ERBIN: variants seen among roughly 807,000 people sequenced by gnomAD.
ERBIN encodes erbb2 interacting protein.
Under a neutral mutation model 158.4 loss-of-function variants are expected in ERBIN, and 60 were observed. The observed-to-expected ratio is 0.38, with a 90% confidence interval of 0.31 to 0.47. The LOEUF is 0.47. Ranked by LOEUF, ERBIN falls within the 20% of genes least tolerant of loss-of-function variation. The probability of loss-of-function intolerance (pLI) is 0.99; values close to 1 mark genes in which losing one functional copy is unlikely to be tolerated. For synonymous variants in ERBIN, 594 were observed against 557.2 expected, an observed-to-expected ratio of 1.07 and a Z score of -0.93; for missense variants, 1,610 against 1,648.0, an observed-to-expected ratio of 0.98 and a Z score of 0.40.
chr5:66,026,343 C>G lies in ERBIN; in HGVS notation c.1062C>G (p.Ser354=). The G allele has an allele frequency of 6.3e-7, 1 of 1,595,278 alleles. No homozygotes were observed. Among genetic ancestry groups the G allele is most frequent in the Non-Finnish European group, 8.5e-7 (1 of 1,172,114 alleles). Residue 354 remains serine, a synonymous_variant, in exon 13 of 26, where the codon TCC becomes TCG. Coordinates refer to ENST00000284037, the MANE Select transcript of ERBIN (RefSeq NM_001253697.2). ...ATATAACTGTGCTGTTTCTCCATTC[C>G]AATAAACTTGAGACACTTCCAGAGG... ...WKNITVLFLH[S]NKLETLPEEM...
At chr5:66,030,745 G>A (rs1330246953) in intron 14 of ERBIN, among the ~76,000 whole-genome samples, 1 of 150,440 alleles carries the variant, frequency 6.6e-6, no homozygotes, top group Non-Finnish European at 1.5e-5. Context: ...TTTTTTTAAC[G>A]TTTTTAGTAG....
At chr5:65,931,080 A>T (rs560509614) in intron 1 of ERBIN, among the ~76,000 whole-genome samples, 19 of 152,220 alleles carry the variant, frequency 1.2e-4, no homozygotes, top group African/African-American at 4.6e-4. Context: ...ACTTAATAAG[A>T]CTCTACTTAT....
rs554241085 is a variant in ERBIN, at chr5:65,973,434, A to G, written c.-57-15201A>G. On this transcript the variant is annotated intron_variant, in intron 1 of 25. Transcript: ENST00000284037. ...AAAATAATAAAATAAATTAAAAAAA[A>G]GAAATTAGGGCCTTGTCTCTTCCAG... 4.6e-5 allele frequency among the ~76,000 whole-genome samples: 7 copies of G among 151,356 alleles called. 2 individuals are homozygous for G. Among genetic ancestry groups the G allele is most frequent in the African/African-American group, 1.7e-4 (7 of 40,714 alleles).
intron 1 of ERBIN, among the ~76,000 whole-genome samples, chr5:65,959,792 A>G (rs1466944336): frequency 6.6e-6 from 1 of 152,188 alleles, no homozygotes; most frequent in African/African-American, 2.4e-5. Flanking sequence ...CATACAAATA[A>G]TTTAAAAGAA....
chr5:66,038,621 T>C (rs182619221), intron 15 of ERBIN, 139 bp downstream of exon 15: 2 of 586,234 alleles, frequency 3.4e-6, no homozygotes, highest in Non-Finnish European at 5.9e-6. Flanking sequence ...TTCGAAATAA[T>C]GGAAAAATAG....
intron 1 of ERBIN, among the ~76,000 whole-genome samples, chr5:65,929,657 T>TTTTTTTTTTTTTTTTTTTTTTTTTC (rs1561255174): frequency 7.1e-6 from 1 of 141,428 alleles, no homozygotes; most frequent in Non-Finnish European, 1.5e-5. Context: ...TTTTTTTTTT[T>TTTTTTTTTTTTTTTTTTTTTTTTTC]CGAGATGGAG....
chr5:65,930,615 G>A (rs1305410720), intron 1 of ERBIN, among the ~76,000 whole-genome samples: 1 of 152,116 alleles, frequency 6.6e-6, no homozygotes, highest in African/African-American at 2.4e-5. Context: ...GCCATTGTTT[G>A]TTTTATACTT....
At chr5:66,019,553 T>C (rs1755466259) in intron 7 of ERBIN, among the ~76,000 whole-genome samples, 1 of 152,202 alleles carries the variant, frequency 6.6e-6, no homozygotes, top group Admixed American at 6.5e-5. Flanking sequence ...TGCAGTTTTA[T>C]TTCTGAGATT....
At chr5:65,940,851 A>G (rs568174376) in intron 1 of ERBIN, among the ~76,000 whole-genome samples, 4 of 152,190 alleles carry the variant, frequency 2.6e-5, no homozygotes, top group African/African-American at 4.8e-5. Flanking sequence ...CCATGATGAC[A>G]ATGGCGGTTT....
chr5:65,977,188 C>T (rs1202419188), intron 1 of ERBIN, among the ~76,000 whole-genome samples: 6 of 133,470 alleles, frequency 4.5e-5, no homozygotes, highest in African/African-American at 1.9e-4. Context: ...GCTGGCCGGG[C>T]GGGGGGCTGA....
chr5:65,979,344 T>G (rs1004589806), intron 1 of ERBIN, among the ~76,000 whole-genome samples: 1 of 152,144 alleles, frequency 6.6e-6, no homozygotes. Flanking sequence ...TGGGGATTAC[T>G]TGAACCTGGG....
Position 66,075,207 on chromosome 5 carries a change from G to A in ERBIN, c.3940G>A (p.Gly1314Ser). Reference sequence around the variant, plus strand: ...ACAGCCCCATTGTTCTCCTAGACAAGGCCATGAACTGGCAAAACAAGAGGT... The same window carrying A: ...ACAGCCCCATTGTTCTCCTAGACAAAGCCATGAACTGGCAAAACAAGAGGT... ...YTQPHCSPRQ[G>S]HELAKQEIRV... Residue 1314 changes from glycine to serine, a missense_variant, in exon 23 of 26, where the codon GGC becomes AGC. Physicochemically the swap from Gly to Ser is moderately conservative, Grantham distance 56 (BLOSUM62 0). This residue lies in a region of ERBIN where 1,014 missense variants were observed against 936.1 expected (regional missense o/e 1.08). Coordinates refer to ENST00000284037, the MANE Select transcript of ERBIN (RefSeq NM_001253697.2). 6.2e-7 allele frequency: 1 copy of A among 1,614,052 alleles called. No homozygotes were observed. Among genetic ancestry groups the A allele is most frequent in the Non-Finnish European group, 8.5e-7 (1 of 1,179,990 alleles).
chr5:66,003,460 A>G (rs1304274237), intron 4 of ERBIN, among the ~76,000 whole-genome samples: 1 of 152,158 alleles, frequency 6.6e-6, no homozygotes, highest in African/African-American at 2.4e-5. Flanking sequence ...GGGTAATTCT[A>G]TGATTGGGTA....
intron 1 of ERBIN, among the ~76,000 whole-genome samples, chr5:65,967,030 AGGAGGCTGAGGTG>A (rs1748722737): frequency 6.6e-6 from 1 of 152,098 alleles, no homozygotes; most frequent in South Asian, 2.1e-4. Flanking sequence ...CCAACTACTT[AGGAGGCTGAGGTG>A]GGAGGATCCC....
intron 1 of ERBIN, among the ~76,000 whole-genome samples, chr5:65,950,270 G>A (rs1427095017): frequency 2.0e-5 from 3 of 152,190 alleles, no homozygotes; most frequent in African/African-American, 4.8e-5. Context: ...CTCCCAAAGT[G>A]CTGGGATTAC....
chr5:66,020,850 A>G (rs1453874885), intron 7 of ERBIN, among the ~76,000 whole-genome samples: 1 of 152,010 alleles, frequency 6.6e-6, no homozygotes, highest in Non-Finnish European at 1.5e-5. Context: ...ACATGTGGGG[A>G]GTAATACAAC....
intron 5 of ERBIN, among the ~76,000 whole-genome samples, chr5:66,013,137 A>G (rs1045013837): frequency 9.2e-5 from 14 of 152,194 alleles, no homozygotes; most frequent in Admixed American, 3.3e-4. Context: ...CCTATGTACA[A>G]CAAAGAATTA....
Position 66,053,758 on chromosome 5 carries a change from C to T in ERBIN, c.2440C>T (p.Pro814Ser). ...GCACTTGGAAAATGGAAACAAGTAT[C>T]CTAATTTGGAATCCGTAAATAAGGT... ...TEHLENGNKY[P>S]NLESVNKVNG... Residue 814 changes from proline to serine, a missense_variant, in exon 21 of 26, where the codon CCT (proline) becomes TCT (serine). By Grantham distance (74) the Pro-to-Ser change is moderately conservative. Coordinates refer to ENST00000284037, the MANE Select transcript of ERBIN (RefSeq NM_001253697.2). 1 of 1,613,714 alleles carries T rather than the reference C, an allele frequency of 6.2e-7. No homozygotes were observed. The highest frequency in any genetic ancestry group is 8.5e-7 in the Non-Finnish European group (1 of 1,179,964).
At position 65,990,907 on chromosome 5, in the gene ERBIN, C is replaced by A. The variant is rs1427122028; in HGVS notation, c.-9-1803C>A. ...TCCCAAGTACCTGGGATTACAGGCACCCGCCACCACGCCTGGCTAATTTTT... is the reference window on the plus strand; with the variant it reads ...TCCCAAGTACCTGGGATTACAGGCAACCGCCACCACGCCTGGCTAATTTTT... On this transcript the variant is annotated intron_variant, in intron 2 of 25. Transcript: ENST00000284037. Among the ~76,000 whole-genome samples the A allele has an allele frequency of 4.0e-5, 6 of 151,730 alleles. No individual in the cohort carries two copies. The East Asian group carries it at 1.2e-3, about 30-fold the overall frequency.
Sources: allele counts gnomAD v4.1 joint callset (sites outside exome capture counted in the v4.1 genomes callset), GRCh38; gene constraint gnomAD v4.1.1; regional missense constraint gnomAD v4.1.1; transcripts MANE v1.5; gene names NCBI Gene and HGNC (gene_info 2026-07-23, HGNC 2026-07-21).